CAPG: variants seen among roughly 807,000 people sequenced by gnomAD.
CAPG encodes the protein capping actin protein, gelsolin like, also known as macrophage-capping protein.
CAPG carries 32 observed loss-of-function variants against 44.6 expected under a neutral mutation model. The observed-to-expected ratio is 0.72, with a 90% CI of 0.54 to 0.96. CAPG has a LOEUF of 0.96. Among genes scored for constraint, CAPG ranks in the 50% least tolerant of loss-of-function variants. CAPG has a pLI of 0.00. For missense variants in CAPG, 412 were observed against 438.3 expected (o/e 0.94, Z 0.54); for synonymous variants, 175 against 179.6 (o/e 0.97, Z 0.20).
chr2:85,418,909 C>T (rs1181116303), upstream of CAPG: 2 of 152,374 alleles, frequency 1.3e-5, no homozygotes, highest in African/African-American at 2.4e-5. Flanking sequence ...GAACCTGAGC[C>T]CCGCCCTGCC....
At chr2:85,409,085 A>T (rs1439573522) in intron 1 of CAPG, among the ~76,000 whole-genome samples, 1 of 152,106 alleles carries the variant, frequency 6.6e-6, no homozygotes, top group Non-Finnish European at 1.5e-5. Flanking sequence ...CTCCACTACT[A>T]CACTGTAGGG....
chr2:85,417,858 A>T (rs1687600919), intron 1 of CAPG, among the ~76,000 whole-genome samples: 1 of 152,070 alleles, frequency 6.6e-6, no homozygotes, highest in South Asian at 2.1e-4. Context: ...GATCCTGATG[A>T]TAATAACACC....
chr2:85,398,651 C>T, intron 7 of CAPG, 39 bp downstream of exon 7: 1 of 1,511,082 alleles, frequency 6.6e-7, no homozygotes. Flanking sequence ...CTCCCACCCT[C>T]CCTGCTGCCG....
intron 1 of CAPG, among the ~76,000 whole-genome samples, chr2:85,405,240 C>CT (rs1687091604): frequency 6.6e-6 from 1 of 152,008 alleles, no homozygotes; most frequent in Non-Finnish European, 1.5e-5. Flanking sequence ...AAGATATTAT[C>CT]TTTTTAAAAA....
upstream of CAPG, chr2:85,418,454 G>C (rs1440453745): frequency 1.3e-5 from 2 of 152,266 alleles, no homozygotes; most frequent in Non-Finnish European, 2.9e-5. Context: ...GCCCCAGCCT[G>C]GGCCCTAGAC....
chr2:85,400,268 G>C lies in CAPG; in HGVS notation c.516+897C>G, dbSNP rs532290990. Among the ~76,000 whole-genome samples, 10 of 152,310 alleles carry C rather than the reference G, an allele frequency of 6.6e-5. No individual in the cohort carries two copies. The East Asian group carries it at 1.9e-3, about 29-fold the overall frequency. ...TGGGTGAATGGCTGAATGGCTCCTT[G>C]AGCGCAGCATCTCACACTTCTACCC... On this transcript the variant is annotated intron_variant, in intron 5 of 9. Transcript: ENST00000263867.
At chr2:85,398,665 C>A in intron 7 of CAPG, 25 bp downstream of exon 7, 1 of 1,570,450 alleles carries the variant, frequency 6.4e-7, no homozygotes, top group South Asian at 1.2e-5. Context: ...GCTGCCGGGT[C>A]CCAGGGCAGG....
upstream of CAPG, among the ~76,000 whole-genome samples, chr2:85,411,415 G>A (rs954614443): frequency 1.3e-5 from 2 of 152,206 alleles, no homozygotes; most frequent in African/African-American, 2.4e-5. Flanking sequence ...AGGACACCGA[G>A]GTCCTGAGAG....
At chr2:85,417,096 A>C (rs1031342073) in intron 1 of CAPG, among the ~76,000 whole-genome samples, 16 of 152,200 alleles carry the variant, frequency 1.1e-4, no homozygotes, top group Non-Finnish European at 2.4e-4. Context: ...GGAGGGCACC[A>C]GGTGCCTGGG....
chr2:85,399,141 TC>T lies in CAPG; in HGVS notation c.660del (p.Met220IlefsTer11). The T allele has an allele frequency of 9.9e-6, 16 of 1,613,732 alleles. No individual in the cohort carries two copies. The highest frequency in any genetic ancestry group is 1.3e-5 in the Non-Finnish European group (15 of 1,179,648). Reference sequence around the variant, plus strand: ...CCACTCCAATGTCCCCCAACCTGGATCATCTCAGCAGGCTCCTCCCCATCAG... The same window carrying T: ...CCACTCCAATGTCCCCCAACCTGGATATCTCAGCAGGCTCCTCCCCATCAG... ...IVTDGEEPAE[M>X]IQVLGPKPAL... is the part of the protein sequence containing the mutation. On this transcript the variant is annotated frameshift_variant, in exon 6 of 10. Transcript: ENST00000263867. LOFTEE classifies it high-confidence loss of function.
chr2:85,392,689 C>T (rs1686430420), downstream of CAPG, among the ~76,000 whole-genome samples: 1 of 152,194 alleles, frequency 6.6e-6, no homozygotes, highest in African/African-American at 2.4e-5. Context: ...GTGTTGTCTG[C>T]CTGACCTGAA....
intron 4 of CAPG, 39 bp downstream of exon 4, chr2:85,401,490 G>C: frequency 6.2e-7 from 1 of 1,608,882 alleles, no homozygotes; most frequent in Non-Finnish European, 8.5e-7. Context: ...GGCTCTGAGG[G>C]AAGCTGCAGG....
Position 85,401,259 on chromosome 2 carries a change from T to C in CAPG, c.422A>G (p.Gln141Arg). Residue 141 changes from glutamine to arginine, a missense_variant, in exon 5 of 10, where the codon CAG becomes CGG. Gln to Arg is a conservative substitution (Grantham distance 43). Coordinates refer to ENST00000263867, the MANE Select transcript of CAPG (RefSeq NM_001747.4). ...ACGGATGTTCTTCTTCCCCTTCACC[T>C]GGTAGAGTTTCTTGATGGCAGCTGG... is the stretch of plus-strand genomic sequence containing the variant. The part of the protein sequence containing the change: ...GAPAAIKKLY[Q>R]VKGKKNIRAT... 1 of 1,614,152 alleles carries C rather than the reference T, an allele frequency of 6.2e-7. No individual in the cohort carries two copies. The highest frequency in any genetic ancestry group is 1.1e-5 in the South Asian group (1 of 91,080).
At chr2:85,412,500 A>C (rs1687445768), upstream of CAPG, among the ~76,000 whole-genome samples, 1 of 152,164 alleles carries the variant, frequency 6.6e-6, no homozygotes, top group South Asian at 2.1e-4. Context: ...GTGACTGGGC[A>C]AGACTCAGTC....
chr2:85,401,826 T>G lies in CAPG; in HGVS notation c.155A>C (p.His52Pro). ...FFSGDSYLVLHNGPEEVSHLH... is the reference protein window; with the variant it reads ...FFSGDSYLVLPNGPEEVSHLH... ...ATGGGAAACCTCTTCTGGGCCATTGTGCAGCACTAGGTAGGAGTCCCCCGA... is the reference window on the plus strand; with the variant it reads ...ATGGGAAACCTCTTCTGGGCCATTGGGCAGCACTAGGTAGGAGTCCCCCGA... The change falls in exon 3 of 10, where the codon CAC (histidine) becomes CCC (proline). Residue 52 changes from histidine (H) to proline (P), a missense_variant. Coordinates refer to ENST00000263867, the MANE Select transcript of CAPG (RefSeq NM_001747.4). The G allele has an allele frequency of 1.2e-6, 2 of 1,613,970 alleles. No individual in the cohort carries two copies. The highest frequency in any genetic ancestry group is 1.6e-4 in the Middle Eastern group (1 of 6,062).
In CAPG at chr2:85,399,126, G is replaced by C. The variant is rs920151237; in HGVS notation, c.666+10C>G. The stretch of plus-strand genomic sequence containing the variant: ...GAGGCTCCCAGCCACCCACTCCAAT[G>C]TCCCCCAACCTGGATCATCTCAGCA... On this transcript the variant is annotated intron_variant, in intron 6 of 9. Coordinates refer to ENST00000263867, the MANE Select transcript of CAPG (RefSeq NM_001747.4). 1 of 1,611,290 alleles carries C rather than the reference G, an allele frequency of 6.2e-7. No homozygotes were observed. Among genetic ancestry groups the C allele is most frequent in the East Asian group, 2.2e-5 (1 of 44,760 alleles).
intron 1 of CAPG, among the ~76,000 whole-genome samples, chr2:85,407,023 T>C (rs1188501355): frequency 6.6e-6 from 1 of 151,514 alleles, no homozygotes; most frequent in East Asian, 2.0e-4. Flanking sequence ...CTCTGCCTCC[T>C]GAGTTGAAGC....
chr2:85,401,443 G>T, intron 4 of CAPG, 86 bp downstream of exon 4: 1 of 1,580,820 alleles, frequency 6.3e-7, no homozygotes, highest in Admixed American at 1.7e-5. Flanking sequence ...AGGCACCCGG[G>T]TCTTCTGCAG....
upstream of CAPG, chr2:85,413,117 T>C (rs1687466850): frequency 1.3e-5 from 2 of 152,224 alleles, no homozygotes; most frequent in Non-Finnish European, 2.9e-5. Flanking sequence ...GAAAGCTTCA[T>C]AGATTTTGGT....
Sources: gnomAD v4.1 joint callset for allele counts (sites outside exome capture counted in the v4.1 genomes callset) on GRCh38, gnomAD v4.1.1 for gene constraint, MANE v1.5 for transcripts, NCBI Gene and HGNC (gene_info 2026-07-23, HGNC 2026-07-21) for gene names.